The following CCDC171 variants were observed in gnomAD, a reference collection of about 807,000 sequenced individuals.
CCDC171 encodes coiled-coil domain-containing protein 171.
In CCDC171, 177 loss-of-function variants were observed where a neutral mutation model predicts 168.2. The observed-to-expected ratio is 1.05, with a 90% CI of 0.93 to 1.19. The LOEUF is 1.19. Ranked by LOEUF, CCDC171 falls within the 50% of genes most tolerant of loss-of-function variation. The pLI is 0.00. For synonymous variants in CCDC171, 687 were observed against 540.8 expected, an observed-to-expected ratio of 1.27 and a Z score of -3.75; for missense variants, 1,991 against 1,539.0, an observed-to-expected ratio of 1.29 and a Z score of -4.91.
At chr9:16,019,217 C>T (rs1218619227) in intron 3 of CCDC171, among the ~76,000 whole-genome samples, 1 of 152,166 alleles carries the variant, frequency 6.6e-6, no homozygotes, top group African/African-American at 2.4e-5. Context: ...CTACTCCTGT[C>T]TAAGAACCAA....
At chr9:15,691,748 C>T (rs544439691) in intron 10 of CCDC171, among the ~76,000 whole-genome samples, 88 of 151,958 alleles carry the variant, frequency 5.8e-4, no homozygotes, top group Non-Finnish European at 9.4e-4. Flanking sequence ...CACAATGATG[C>T]TCACTGCAGC....
At chr9:15,897,331 A>G (rs775057946) in intron 24 of CCDC171, among the ~76,000 whole-genome samples, 21 of 151,942 alleles carry the variant, frequency 1.4e-4, no homozygotes, top group Non-Finnish European at 2.1e-4. Context: ...ATTTGCTATA[A>G]TTTCTAAGCT....
intron 24 of CCDC171, among the ~76,000 whole-genome samples, chr9:15,911,640 G>A (rs929994564): frequency 2.0e-5 from 3 of 152,170 alleles, no homozygotes; most frequent in Non-Finnish European, 4.4e-5. Flanking sequence ...GTCCTGAATG[G>A]TATTGCCTAG....
At chr9:15,684,305 C>T (rs180906469) in intron 10 of CCDC171, among the ~76,000 whole-genome samples, 83 of 151,880 alleles carry the variant, frequency 5.5e-4, no homozygotes, top group Non-Finnish European at 1.1e-3. Context: ...ATATTAGTTG[C>T]AAAAGTTCAA....
At chr9:15,591,331 G>T in intron 4 of CCDC171, 35 bp from the exon 5 acceptor site, 2 of 1,330,640 alleles carry the variant, frequency 1.5e-6, no homozygotes, top group South Asian at 1.3e-5. Flanking sequence ...TTTAATTCAT[G>T]GTTGTAAATG....
chr9:15,650,388 T>G (rs140143262), intron 7 of CCDC171, among the ~76,000 whole-genome samples: 1,698 of 152,142 alleles, frequency 0.011, 36 homozygotes, highest in African/African-American at 0.039. Context: ...CCCTAGAACT[T>G]AAAGTATAAT....
chr9:15,993,315 G>C (rs1379420973), intron 3 of CCDC171, among the ~76,000 whole-genome samples: 1 of 152,136 alleles, frequency 6.6e-6, no homozygotes, highest in African/African-American at 2.4e-5. Context: ...GCTGATCTTT[G>C]ACAAACCTGA....
At chr9:15,775,466 G>A (rs1257015744) in intron 18 of CCDC171, among the ~76,000 whole-genome samples, 2 of 152,080 alleles carry the variant, frequency 1.3e-5, no homozygotes, top group Admixed American at 6.5e-5. Context: ...TTACAGGCAC[G>A]TGCCACCACG....
chr9:15,570,910 T>C (rs1229629277), intron 2 of CCDC171, among the ~76,000 whole-genome samples: 1 of 152,198 alleles, frequency 6.6e-6, no homozygotes, highest in Non-Finnish European at 1.5e-5. Flanking sequence ...CCCTAGTGTT[T>C]TTCTGCCAGA....
intron 25 of CCDC171, among the ~76,000 whole-genome samples, chr9:15,963,202 G>A (rs1184534633): frequency 6.6e-6 from 1 of 152,006 alleles, no homozygotes; most frequent in East Asian, 1.9e-4. Flanking sequence ...GAGCAGGGAG[G>A]GATAGCATTA....
chr9:15,939,818 T>C (rs1310607255), intron 25 of CCDC171, among the ~76,000 whole-genome samples: 1 of 151,920 alleles, frequency 6.6e-6, no homozygotes, highest in Non-Finnish European at 1.5e-5. Flanking sequence ...AATAAGTAGT[T>C]ATTTGAGACA....
chr9:15,844,094 A>T (rs2060798925), intron 21 of CCDC171, among the ~76,000 whole-genome samples: 1 of 152,064 alleles, frequency 6.6e-6, no homozygotes, highest in African/African-American at 2.4e-5. Flanking sequence ...ACACTTTCAC[A>T]ATCTACCCTG....
chr9:16,026,652 T>G (rs1167198028), intron 6 of CCDC171, among the ~76,000 whole-genome samples: 1 of 152,184 alleles, frequency 6.6e-6, no homozygotes, highest in Non-Finnish European at 1.5e-5. Context: ...AGGACATTTC[T>G]CTGCCCCAAC....
At chr9:15,745,067 C>G (rs997557890) in intron 17 of CCDC171, among the ~76,000 whole-genome samples, 2 of 152,076 alleles carry the variant, frequency 1.3e-5, no homozygotes, top group Non-Finnish European at 2.9e-5. Flanking sequence ...AGAGTTTATA[C>G]AGTGATTTTT....
the CCDC171 span, among the ~76,000 whole-genome samples, chr9:16,103,138 T>C: frequency 2.4e-4 from 36 of 152,336 alleles, no homozygotes; most frequent in South Asian, 7.0e-3. Flanking sequence ...TTTTGCAAGA[T>C]GGCCCCTTCC....
At chr9:15,913,623 A>G (rs560714568) in intron 24 of CCDC171, among the ~76,000 whole-genome samples, 7 of 152,136 alleles carry the variant, frequency 4.6e-5, no homozygotes, top group Middle Eastern at 3.4e-3. Context: ...GTTATTACCT[A>G]CCTTCTGAAG....
At chr9:15,846,899 C>T (rs145186287) in intron 22 of CCDC171, 52 bp downstream of exon 22, 2 of 1,504,354 alleles carry the variant, frequency 1.3e-6, no homozygotes, top group East Asian at 2.4e-5. Context: ...AAGATCAATT[C>T]TTACTTTCAT....
chr9:15,744,191 G>T, intron 16 of CCDC171, 82 bp from the exon 17 acceptor site: 1 of 1,159,172 alleles, frequency 8.6e-7, no homozygotes, highest in Non-Finnish European at 1.2e-6. Flanking sequence ...GTCAGCAAAA[G>T]TTTGTTTTCT....
chr9:15,837,684 C>A (rs2060509225), intron 21 of CCDC171, among the ~76,000 whole-genome samples: 1 of 152,140 alleles, frequency 6.6e-6, no homozygotes, highest in African/African-American at 2.4e-5. Context: ...AGTTGTGAGC[C>A]TTCATCTTTG....
Sources: allele counts gnomAD v4.1 joint callset (sites outside exome capture counted in the v4.1 genomes callset), GRCh38; gene constraint gnomAD v4.1.1; transcripts MANE v1.5; gene names NCBI Gene and HGNC (gene_info 2026-07-23, HGNC 2026-07-21).